The following FAR2 variants were observed in gnomAD, a reference collection of about 807,000 sequenced individuals.
FAR2 encodes the protein fatty acyl-CoA reductase 2, also known as epididymis secretory protein Li 81.
In FAR2, 19 loss-of-function variants were observed where a neutral mutation model predicts 56.0. That is an observed-to-expected ratio of 0.34 (90% CI 0.24 to 0.50). The LOEUF (loss-of-function observed/expected upper bound fraction) is 0.50. Among genes scored for constraint, FAR2 ranks in the 20% least tolerant of loss-of-function variants. The pLI is 0.98. For missense variants in FAR2, 508 were observed against 642.2 expected (o/e 0.79, Z 2.26); for synonymous variants, 219 against 218.8 (o/e 1.00, Z -0.01).
intron 2 of FAR2, chr12:29,282,075 G>T (rs7309132): frequency 0.068 from 10,420 of 152,158 alleles, 410 homozygotes; most frequent in South Asian, 0.12. Context: ...GTTGGTGGAG[G>T]TGACTGCACA....
intron 1 of FAR2, among the ~76,000 whole-genome samples, chr12:29,199,586 C>T (rs750653547): frequency 3.0e-4 from 40 of 134,864 alleles, no homozygotes; most frequent in Non-Finnish European, 4.6e-5. Flanking sequence ...GGGGACAGAG[C>T]GAGACCCCGT....
At chr12:29,172,174 A>C (rs1305920537) in intron 1 of FAR2, 1 of 130,384 alleles carries the variant, frequency 7.7e-6, no homozygotes, top group Non-Finnish European at 1.6e-5. Flanking sequence ...CAACTGTCTG[A>C]GAAGGGAGGA....
chr12:29,301,054 T>C (rs1185196428), intron 4 of FAR2, among the ~76,000 whole-genome samples: 2 of 152,214 alleles, frequency 1.3e-5, no homozygotes, highest in Non-Finnish European at 2.9e-5. Context: ...CCATCCTGTA[T>C]GCTGAGACTG....
intron 1 of FAR2, among the ~76,000 whole-genome samples, 152 bp downstream of exon 1, chr12:29,149,559 G>A (rs943248639): frequency 6.6e-6 from 1 of 152,244 alleles, no homozygotes; most frequent in Non-Finnish European, 1.5e-5. Flanking sequence ...GTGTGAGGCC[G>A]GGTGGGAGGA....
intron 1 of FAR2, among the ~76,000 whole-genome samples, chr12:29,268,641 G>A (rs1325512898): frequency 2.0e-5 from 3 of 152,228 alleles, no homozygotes; most frequent in Non-Finnish European, 2.9e-5. Context: ...GGGGGAAAAA[G>A]GTGGCACTTG....
At chr12:29,204,846 C>T (rs763278259) in intron 1 of FAR2, among the ~76,000 whole-genome samples, 2 of 152,112 alleles carry the variant, frequency 1.3e-5, no homozygotes, top group East Asian at 1.9e-4. Context: ...TTCACTATCA[C>T]GGGAACAGCA....
chr12:29,203,346 C>A (rs575295221), intron 1 of FAR2, among the ~76,000 whole-genome samples: 2 of 152,300 alleles, frequency 1.3e-5, no homozygotes, highest in East Asian at 1.9e-4. Flanking sequence ...TGCAGGAAAG[C>A]GATTTATGCT....
At chr12:29,291,419 G>A (rs1315368644) in intron 2 of FAR2, 1 of 455,940 alleles carries the variant, frequency 2.2e-6, no homozygotes, top group African/African-American at 2.0e-5. Flanking sequence ...CCTACAGTTT[G>A]AAAGCTACTG....
intron 1 of FAR2, among the ~76,000 whole-genome samples, chr12:29,220,419 T>G (rs1482745720): frequency 6.6e-6 from 1 of 152,064 alleles, no homozygotes; most frequent in Non-Finnish European, 1.5e-5. Flanking sequence ...TTAAGAGAGG[T>G]GGAATTTGTG....
Position 29,149,635 on chromosome 12 carries a change from C to T in FAR2, c.-39+228C>T, listed in dbSNP as rs1466031211. On this transcript the variant is annotated intron_variant, in intron 1 of 11. Transcript: ENST00000536681. ...CGGCTGCACCCCAATCGTCACCGGC[C>T]GTTTACGCGCGGTTGGCGTCGGCGG... Among the ~76,000 whole-genome samples, 4 of 152,326 alleles carry T rather than the reference C, an allele frequency of 2.6e-5. No homozygotes were observed. The South Asian group carries it at 6.2e-4, about 24-fold the overall frequency.
At chr12:29,206,789 A>T (rs1325419962) in intron 1 of FAR2, among the ~76,000 whole-genome samples, 1 of 152,166 alleles carries the variant, frequency 6.6e-6, no homozygotes, top group Non-Finnish European at 1.5e-5. Flanking sequence ...GTGGAGAGAG[A>T]CACACCTGGC....
rs1949298289 is a variant in FAR2, at chr12:29,308,722, A to ATT, written c.724-463_724-462insTT. Among the ~76,000 whole-genome samples the ATT allele has an allele frequency of 6.2e-5, 9 of 146,118 alleles. 1 individual carries two copies. The highest frequency in any genetic ancestry group is 9.0e-5 in the Non-Finnish European group (6 of 66,674). ...CACACACACACACACACACACACAT[A>ATT]TATATATATATGTATATATATCTGG... On this transcript the variant is annotated intron_variant, in intron 5 of 11. Coordinates refer to ENST00000536681, the MANE Select transcript of FAR2 (RefSeq NM_001271783.2).
intron 4 of FAR2, among the ~76,000 whole-genome samples, chr12:29,306,607 G>A (rs1027726810): frequency 1.3e-5 from 2 of 152,186 alleles, no homozygotes; most frequent in Admixed American, 6.5e-5. Flanking sequence ...AAAAAGCTAT[G>A]TTATATCAAT....
intron 1 of FAR2, among the ~76,000 whole-genome samples, chr12:29,190,947 T>C (rs778191857): frequency 2.0e-5 from 3 of 152,330 alleles, no homozygotes; most frequent in Non-Finnish European, 2.9e-5. Context: ...ATGGGTGTTC[T>C]CTTCTTCTGA....
rs369917775 is a variant in FAR2, at chr12:29,296,989, C to G, written c.366-32C>G. On this transcript the variant is annotated intron_variant, in intron 3 of 11. Coordinates refer to ENST00000536681, the MANE Select transcript of FAR2 (RefSeq NM_001271783.2). ...AGCAAGGCATGATACTGACTTACTT[C>G]ATTGTATTTCCTTCTGCTTAATCTT... 176 of 1,552,248 alleles carry G rather than the reference C, an allele frequency of 1.1e-4. 2 individuals carry two copies. The African/African-American group carries it at 2.2e-3, about 19-fold the overall frequency.
chr12:29,158,436 A>G (rs929982061), intron 1 of FAR2, among the ~76,000 whole-genome samples: 4 of 152,258 alleles, frequency 2.6e-5, no homozygotes, highest in Non-Finnish European at 5.9e-5. Context: ...TCCTTCATCC[A>G]AATGAGCAGT....
rs1299630810 is a variant in FAR2, at chr12:29,196,215, G to A, written c.-39+46808G>A. On this transcript the variant is annotated intron_variant, in intron 1 of 11. Coordinates refer to ENST00000536681, the MANE Select transcript of FAR2 (RefSeq NM_001271783.2). ...CTTCTTTTCTTTTGGGTAGATACTC[G>A]GTAGTGGATTGCTGGATTTCTATGT... Among the ~76,000 whole-genome samples, 5 of 151,912 alleles carry A rather than the reference G, an allele frequency of 3.3e-5. No homozygotes were observed. The East Asian group carries it at 7.7e-4, about 23-fold the overall frequency.
chr12:29,264,118 T>C (rs1020073874), intron 1 of FAR2, among the ~76,000 whole-genome samples: 1 of 152,082 alleles, frequency 6.6e-6, no homozygotes, highest in Admixed American at 6.6e-5. Context: ...AAAAAGATCA[T>C]TCACCATGAT....
At chr12:29,168,724 A>T (rs1949855806) in intron 1 of FAR2, among the ~76,000 whole-genome samples, 1 of 152,182 alleles carries the variant, frequency 6.6e-6, no homozygotes, top group African/African-American at 2.4e-5. Context: ...GTTCGTGATG[A>T]GTGTCACAGC....
Sources: gnomAD v4.1 joint callset for allele counts (sites outside exome capture counted in the v4.1 genomes callset) on GRCh38, gnomAD v4.1.1 for gene constraint, MANE v1.5 for transcripts, NCBI Gene and HGNC (gene_info 2026-07-23, HGNC 2026-07-21) for gene names.